DERA: variants seen among roughly 807,000 people sequenced by gnomAD.
DERA encodes the protein 2-deoxy-D-ribose 5-phosphate aldolase.
In DERA, 15 loss-of-function variants were observed where a neutral mutation model predicts 41.1. That is an observed-to-expected ratio of 0.37 (90% confidence interval 0.24 to 0.56). The LOEUF is 0.56. Among genes scored for constraint, DERA ranks in the 20% least tolerant of loss-of-function variants. The probability of loss-of-function intolerance (pLI) is 0.81; values close to 1 mark genes in which losing one functional copy is unlikely to be tolerated. For synonymous variants in DERA, 139 were observed against 137.4 expected (o/e 1.01, Z -0.08); for missense variants, 396 against 403.4 (o/e 0.98, Z 0.16).
intron 6 of DERA, among the ~76,000 whole-genome samples, chr12:15,991,174 A>C (rs962723702): frequency 6.6e-6 from 1 of 152,094 alleles, no homozygotes; most frequent in African/African-American, 2.4e-5. Flanking sequence ...ATGGTATCTC[A>C]TTGTGGTTTT....
At chr12:15,916,877 G>T (rs529660485) in intron 1 of DERA, among the ~76,000 whole-genome samples, 6 of 152,148 alleles carry the variant, frequency 3.9e-5, no homozygotes, top group Admixed American at 6.5e-5. Flanking sequence ...CTCCCAAGTG[G>T]CTGGGACTAT....
chr12:15,982,529 G>GCTAA lies in DERA; in HGVS notation c.637+95_637+98dup, dbSNP rs1380762802. 1.2e-5 allele frequency: 17 copies of GCTAA among 1,368,462 alleles called. No homozygotes were observed. Among genetic ancestry groups the GCTAA allele is most frequent in the Non-Finnish European group, 1.7e-5 (17 of 1,019,928 alleles). The allele number at this position is 1,368,462 out of a possible 1,614,324, so 84.8% of individuals were successfully genotyped here. ...AAAGCATTTAGCTATTATTAAACGT[G>GCTAA]CTAACCACTTGGAATTTTTTTGCGG... On this transcript the variant is annotated intron_variant, in intron 6 of 8. Transcript: ENST00000428559. This position sits in a 1 kb window ranked among gnomAD's most constrained non-coding sequence, Gnocchi z 4.0.
At position 15,959,783 on chromosome 12, in the gene DERA, A is replaced by G; in HGVS notation, c.278-46A>G. The G allele has an allele frequency of 7.6e-7, 1 of 1,319,142 alleles. No homozygotes were observed. Among genetic ancestry groups the G allele is most frequent in the Non-Finnish European group, 1.1e-6 (1 of 941,990 alleles). 81.7% of individuals were successfully genotyped at this position (1,319,142 alleles called of 1,614,324 possible). A position where few individuals can be genotyped will look rare whatever the true frequency, so the allele number is the denominator to read the frequency against. On this transcript the variant is annotated intron_variant, in intron 3 of 8. Coordinates refer to ENST00000428559, the MANE Select transcript of DERA (RefSeq NM_015954.4). The surrounding 1 kb of genome is among the most constrained non-coding windows in gnomAD (Gnocchi z 4.5). ...ATAATAATTAAAAGCATGTTGTATG[A>G]GTTGAACTTCATTGAAAGTTGGCTA...
In DERA at chr12:15,959,885, G is replaced by T. The variant is rs773500761; in HGVS notation, c.334G>T (p.Ala112Ser). The T allele has an allele frequency of 6.4e-7, 1 of 1,551,052 alleles. No individual in the cohort carries two copies. The highest frequency in any genetic ancestry group is 1.2e-5 in the South Asian group (1 of 83,988). Residue 112 changes from alanine to serine, a missense_variant, in exon 4 of 9, where the codon GCA (alanine) becomes TCA (serine). Transcript: ENST00000428559. The surrounding 1 kb of genome is among the most constrained non-coding windows in gnomAD (Gnocchi z 4.5). Reference sequence around the variant, plus strand: ...CGCCCGGGTGTGTGATGCTGTAAAAGCACTCAAGGCTGCAGGCTGTAATAT... The same window carrying T: ...CGCCCGGGTGTGTGATGCTGTAAAATCACTCAAGGCTGCAGGCTGTAATAT... ...YPARVCDAVK[A>S]LKAAGCNIPV...
rs1292573832 is a variant in DERA, at chr12:16,004,639, G to A, written c.637+22203G>A. On this transcript the variant is annotated intron_variant, in intron 6 of 8. Coordinates refer to ENST00000428559, the MANE Select transcript of DERA (RefSeq NM_015954.4). This position sits in a 1 kb window ranked among gnomAD's most constrained non-coding sequence, Gnocchi z 4.2. ...TTGTATGCTCTCAAGAAACAAGTGG[G>A]TGTTTATGCATGTATCCTTTGTACG... Among the ~76,000 whole-genome samples the A allele has an allele frequency of 3.3e-5, 5 of 152,150 alleles. No individual in the cohort carries two copies. Among genetic ancestry groups the A allele is most frequent in the African/African-American group, 1.2e-4 (5 of 41,428 alleles).
intron 4 of DERA, among the ~76,000 whole-genome samples, chr12:15,960,126 A>G (rs553196996): frequency 1.3e-5 from 2 of 151,804 alleles, no homozygotes; most frequent in South Asian, 4.2e-4. Flanking sequence ...CTGTATTCCT[A>G]TCCTTAAAGA....
rs1949008324 is a variant in DERA at position 16,020,065 on chromosome 12, T to G, written c.638-12477T>G. Reference sequence around the variant, plus strand: ...TGCTCTCTTTGCTTTCTGCTGTGATTGTAAGCCTCCCAGGAGCCTCTCTAG... The same window carrying G: ...TGCTCTCTTTGCTTTCTGCTGTGATGGTAAGCCTCCCAGGAGCCTCTCTAG... On this transcript the variant is annotated intron_variant, in intron 6 of 8. Coordinates refer to ENST00000428559, the MANE Select transcript of DERA (RefSeq NM_015954.4). The surrounding 1 kb of genome is among the most constrained non-coding windows in gnomAD (Gnocchi z 5.5). Among the ~76,000 whole-genome samples, 1 of 152,170 alleles carries G rather than the reference T, an allele frequency of 6.6e-6. No individual in the cohort carries two copies. Among genetic ancestry groups the G allele is most frequent in the African/African-American group, 2.4e-5 (1 of 41,440 alleles).
Position 15,998,430 on chromosome 12 carries a change from G to T in DERA, c.637+15994G>T, listed in dbSNP as rs906385774. Among the ~76,000 whole-genome samples, 3 of 152,030 alleles carry T rather than the reference G, an allele frequency of 2.0e-5. No homozygotes were observed. The highest frequency in any genetic ancestry group is 4.8e-5 in the African/African-American group (2 of 41,376). ...CCTTCCGGGTTCAAGCAGTTCTCCCGCCTCAGCCTCCCGAGTAGCTGAGAT... is the reference window on the plus strand; with the variant it reads ...CCTTCCGGGTTCAAGCAGTTCTCCCTCCTCAGCCTCCCGAGTAGCTGAGAT... On this transcript the variant is annotated intron_variant, in intron 6 of 8. Coordinates refer to ENST00000428559, the MANE Select transcript of DERA (RefSeq NM_015954.4). The surrounding 1 kb of genome is among the most constrained non-coding windows in gnomAD (Gnocchi z 4.8).
intron 6 of DERA, among the ~76,000 whole-genome samples, chr12:16,005,108 G>A (rs150036832): frequency 1.3e-5 from 2 of 152,082 alleles, no homozygotes; most frequent in Non-Finnish European, 2.9e-5. Flanking sequence ...CTCAACAGAC[G>A]TGCCCTGGAA....
In DERA at chr12:15,990,920, G is replaced by A. The variant is rs1948797924; in HGVS notation, c.637+8484G>A. Among the ~76,000 whole-genome samples the A allele has an allele frequency of 1.3e-5, 2 of 152,182 alleles. No homozygotes were observed. Among genetic ancestry groups the A allele is most frequent in the South Asian group, 2.1e-4 (1 of 4,822 alleles). ...GTGAGTATTGCTGCGATGAACATATGCATACATGTGTCTTTACAATAGAAT... is the reference window on the plus strand; with the variant it reads ...GTGAGTATTGCTGCGATGAACATATACATACATGTGTCTTTACAATAGAAT... On this transcript the variant is annotated intron_variant, in intron 6 of 8. Coordinates refer to ENST00000428559, the MANE Select transcript of DERA (RefSeq NM_015954.4). The surrounding 1 kb of genome is among the most constrained non-coding windows in gnomAD (Gnocchi z 4.3).
At chr12:15,929,054 G>T (rs967522078) in intron 1 of DERA, among the ~76,000 whole-genome samples, 1 of 152,304 alleles carries the variant, frequency 6.6e-6, no homozygotes, top group Admixed American at 6.5e-5. Context: ...AGGGCTTCGG[G>T]TTCAGCTGGG....
rs1166409390 is a variant in DERA at position 15,995,332 on chromosome 12, C to T, written c.637+12896C>T. ...GAGAAAAATGACAGCAAGCCCGGGG[C>T]CACCTGCCTATGATTGGCCCACAGT... On this transcript the variant is annotated intron_variant, in intron 6 of 8. Transcript: ENST00000428559. The surrounding 1 kb of genome is among the most constrained non-coding windows in gnomAD (Gnocchi z 5.1). Among the ~76,000 whole-genome samples the T allele has an allele frequency of 1.3e-5, 2 of 152,172 alleles. No individual in the cohort carries two copies. Among genetic ancestry groups the T allele is most frequent in the African/African-American group, 2.4e-5 (1 of 41,438 alleles).
rs1949051550 is a variant in DERA at position 16,026,161 on chromosome 12, A to G, written c.638-6381A>G. 6.6e-6 allele frequency among the ~76,000 whole-genome samples: 1 copy of G among 152,096 alleles called. No homozygotes were observed. The highest frequency in any genetic ancestry group is 2.1e-4 in the South Asian group (1 of 4,832). On this transcript the variant is annotated intron_variant, in intron 6 of 8. Coordinates refer to ENST00000428559, the MANE Select transcript of DERA (RefSeq NM_015954.4). The surrounding 1 kb of genome is among the most constrained non-coding windows in gnomAD (Gnocchi z 4.4). ...AAGAAGAGCAATTTAAGCCTAAAGC[A>G]AACAGGAGGAATAGAAATGAGAACA...
chr12:16,028,526 A>G (rs1041449890), intron 6 of DERA, among the ~76,000 whole-genome samples: 2 of 152,214 alleles, frequency 1.3e-5, no homozygotes, highest in African/African-American at 4.8e-5. Context: ...CACTCCTTAA[A>G]TGTGGGATAC....
In DERA at chr12:15,918,116, C is replaced by T. The variant is rs1273903956; in HGVS notation, c.31+6702C>T. ...ATTTGAAACACTCCACATGCTTCCCCTGGCCCCAGCAGATGTTCTTCTCAC... is the reference window on the plus strand; with the variant it reads ...ATTTGAAACACTCCACATGCTTCCCTTGGCCCCAGCAGATGTTCTTCTCAC... On this transcript the variant is annotated intron_variant, in intron 1 of 8. Coordinates refer to ENST00000428559, the MANE Select transcript of DERA (RefSeq NM_015954.4). This position sits in a 1 kb window ranked among gnomAD's most constrained non-coding sequence, Gnocchi z 4.3. Among the ~76,000 whole-genome samples the T allele has an allele frequency of 1.3e-5, 2 of 152,194 alleles. No individual in the cohort carries two copies. The highest frequency in any genetic ancestry group is 6.5e-5 in the Admixed American group (1 of 15,288).
rs564232500 is a variant in DERA, at chr12:15,926,120, G to A, written c.31+14706G>A. On this transcript the variant is annotated intron_variant, in intron 1 of 8. Transcript: ENST00000428559. ...TTATAGGCGTGAGCCACTGTACCTG[G>A]TCAACTCCTGAGGCTTTTACAGCCA... is the stretch of plus-strand genomic sequence containing the variant. Among the ~76,000 whole-genome samples the A allele has an allele frequency of 4.0e-5, 6 of 151,262 alleles. No homozygotes were observed. In the South Asian group the frequency reaches 1.3e-3, roughly 32 times the overall value.
At chr12:15,934,632 A>T (rs1397413044) in intron 1 of DERA, among the ~76,000 whole-genome samples, 1 of 152,150 alleles carries the variant, frequency 6.6e-6, no homozygotes, top group Non-Finnish European at 1.5e-5. Flanking sequence ...ACTTGGAACT[A>T]TAGTAAATTC....
intron 5 of DERA, chr12:15,971,774 TC>T: frequency 6.0e-6 from 1 of 166,894 alleles, no homozygotes; most frequent in Non-Finnish European, 1.3e-5. Context: ...TGCCTCGGCC[TC>T]CCAGAGTGCT....
chr12:15,911,559 C>G lies in DERA; in HGVS notation c.31+145C>G, dbSNP rs1468067414. On this transcript the variant is annotated intron_variant, in intron 1 of 8. Coordinates refer to ENST00000428559, the MANE Select transcript of DERA (RefSeq NM_015954.4). The surrounding 1 kb of genome is among the most constrained non-coding windows in gnomAD (Gnocchi z 4.5). ...GCGGGAAGCAGTGGCGTCTGGTCAG[C>G]CCTCACCCCAAGTAAAGGCCGAACC... The G allele has an allele frequency of 1.2e-6, 1 of 867,956 alleles. No individual in the cohort carries two copies. Among genetic ancestry groups the G allele is most frequent in the Non-Finnish European group, 1.8e-6 (1 of 555,252 alleles). 53.8% of individuals were successfully genotyped at this position (867,956 alleles called of 1,614,324 possible).
Sources: allele counts gnomAD v4.1 joint callset (sites outside exome capture counted in the v4.1 genomes callset), GRCh38; gene constraint gnomAD v4.1.1; non-coding constraint Gnocchi (gnomAD v3.1); transcripts MANE v1.5; gene names NCBI Gene and HGNC (gene_info 2026-07-23, HGNC 2026-07-21).